MGMT: variants seen among roughly 807,000 people sequenced by gnomAD.
The protein encoded by MGMT is methylated-DNA--protein-cysteine methyltransferase.
In MGMT, 14 loss-of-function variants were observed where a neutral mutation model predicts 15.9. The ratio of observed to expected loss-of-function variants is 0.88; its 90% CI spans 0.58 to 1.37. The LOEUF (loss-of-function observed/expected upper bound fraction) is 1.37, where lower values mean the gene tolerates loss of function less well. Ranked by LOEUF, MGMT falls within the 40% of genes most tolerant of loss-of-function variation. MGMT has a pLI of 0.00. For synonymous variants in MGMT, 130 were observed against 118.2 expected, an observed-to-expected ratio of 1.10 and a Z score of -0.65; for missense variants, 282 against 268.1, an observed-to-expected ratio of 1.05 and a Z score of -0.36.
At chr10:129,543,186 C>T (rs777246623) in intron 2 of MGMT, among the ~76,000 whole-genome samples, 1 of 152,206 alleles carries the variant, frequency 6.6e-6, no homozygotes, top group South Asian at 2.1e-4. Flanking sequence ...TTAGCGTAGC[C>T]CGTGATGGTG....
intron 2 of MGMT, among the ~76,000 whole-genome samples, chr10:129,669,486 A>T (rs1847697445): frequency 6.6e-6 from 1 of 152,204 alleles, no homozygotes; most frequent in African/African-American, 2.4e-5. Flanking sequence ...ACAGACATAC[A>T]ATTTTATTTG....
chr10:129,701,539 G>A (rs1404960108), intron 2 of MGMT: 1 of 152,214 alleles, frequency 6.6e-6, no homozygotes, highest in Non-Finnish European at 1.5e-5. Flanking sequence ...TCTACTGCCA[G>A]TGGAATCTTA....
chr10:129,547,669 C>T (rs1278989506), intron 2 of MGMT, among the ~76,000 whole-genome samples: 1 of 152,188 alleles, frequency 6.6e-6, no homozygotes, highest in Non-Finnish European at 1.5e-5. Flanking sequence ...TGCCTTCTTC[C>T]AGAAAGCTAT....
rs10606297 is a variant in MGMT at position 129,645,118 on chromosome 10, C to CT, written c.126-62758dup. 5.2e-3 allele frequency among the ~76,000 whole-genome samples: 634 copies of CT among 121,910 alleles called. 9 individuals carry two copies. Among genetic ancestry groups the CT allele is most frequent in the South Asian group, 0.011 (43 of 3,744 alleles). 80.0% of individuals were successfully genotyped at this position (121,910 alleles called of 152,430 possible). ...ATGTACTAAATCAAGCCTGAAAGCC[C>CT]TTTTTTTTTTTTTTTTTTTGAGATG... On this transcript the variant is annotated intron_variant, in intron 2 of 4. Coordinates refer to ENST00000651593, the MANE Select transcript of MGMT (RefSeq NM_002412.5).
At chr10:129,616,607 T>C (rs1284161402) in intron 2 of MGMT, among the ~76,000 whole-genome samples, 2 of 152,182 alleles carry the variant, frequency 1.3e-5, no homozygotes, top group East Asian at 3.9e-4. Flanking sequence ...GGGCCCTCAC[T>C]GGCACCTTTG....
At chr10:129,668,860 T>A (rs527905229) in intron 2 of MGMT, among the ~76,000 whole-genome samples, 1 of 152,280 alleles carries the variant, frequency 6.6e-6, no homozygotes, top group South Asian at 2.1e-4. Flanking sequence ...TAGAGAAACA[T>A]CTCTACAATT....
chr10:129,546,128 A>T (rs917503939), intron 2 of MGMT, among the ~76,000 whole-genome samples: 3 of 152,234 alleles, frequency 2.0e-5, no homozygotes, highest in Non-Finnish European at 4.4e-5. Flanking sequence ...CTCATTCTCT[A>T]AACGTGTGAG....
intron 1 of MGMT, among the ~76,000 whole-genome samples, chr10:129,469,772 T>C (rs1348668971): frequency 1.3e-5 from 2 of 152,150 alleles, no homozygotes; most frequent in African/African-American, 2.4e-5. Flanking sequence ...AGTGGTGAGA[T>C]CATAGCTCCC....
intron 1 of MGMT, among the ~76,000 whole-genome samples, chr10:129,492,076 T>C (rs956445194): frequency 6.6e-6 from 1 of 152,208 alleles, no homozygotes; most frequent in Admixed American, 6.5e-5. Flanking sequence ...GTGTTTTTCA[T>C]CAAAGCAAAA....
chr10:129,578,482 A>G (rs973919265), intron 2 of MGMT, among the ~76,000 whole-genome samples: 11 of 150,116 alleles, frequency 7.3e-5, no homozygotes, highest in African/African-American at 2.4e-4. Flanking sequence ...GAATTGAACA[A>G]TGAGAACACA....
At chr10:129,636,722 T>C (rs1847268930) in intron 2 of MGMT, among the ~76,000 whole-genome samples, 1 of 152,216 alleles carries the variant, frequency 6.6e-6, no homozygotes, top group South Asian at 2.1e-4. Context: ...ATTATATTAT[T>C]CTTTCTTTAA....
chr10:129,629,006 C>G (rs541062510), intron 2 of MGMT, among the ~76,000 whole-genome samples: 1 of 152,328 alleles, frequency 6.6e-6, no homozygotes, highest in Non-Finnish European at 1.5e-5. Context: ...GTGGGAAGGG[C>G]TCTTCCTGAC....
chr10:129,544,474 G>A (rs1846078403), intron 2 of MGMT, among the ~76,000 whole-genome samples: 1 of 152,242 alleles, frequency 6.6e-6, no homozygotes, highest in African/African-American at 2.4e-5. Flanking sequence ...GTAGCCCCGT[G>A]CACAGTATCC....
chr10:129,645,487 G>A lies in MGMT; in HGVS notation c.126-62408G>A, dbSNP rs190573216. On this transcript the variant is annotated intron_variant, in intron 2 of 4. Coordinates refer to ENST00000651593, the MANE Select transcript of MGMT (RefSeq NM_002412.5). ...CTCATCCACGGTGAGGTTGTGTTTG[G>A]CCTCTCTTTGCAGGTTGATGGCTGG... Among the ~76,000 whole-genome samples the A allele has an allele frequency of 1.0e-3, 155 of 152,252 alleles. 2 individuals carry two copies. In the East Asian group the frequency reaches 0.024, roughly 24 times the overall value.
intron 2 of MGMT, among the ~76,000 whole-genome samples, chr10:129,609,766 CG>C (rs1462914437): frequency 6.6e-6 from 1 of 151,982 alleles, no homozygotes; most frequent in Non-Finnish European, 1.5e-5. Flanking sequence ...TGCAGGAGAG[CG>C]GAAGAGCAGG....
At chr10:129,749,514 C>T (rs544737460) in intron 3 of MGMT, among the ~76,000 whole-genome samples, 5 of 152,034 alleles carry the variant, frequency 3.3e-5, no homozygotes, top group Non-Finnish European at 7.4e-5. Flanking sequence ...GTTGTTTATC[C>T]GTTCACCTAT....
intron 2 of MGMT, among the ~76,000 whole-genome samples, chr10:129,604,320 A>G (rs1329807469): frequency 6.6e-6 from 1 of 152,204 alleles, no homozygotes; most frequent in Non-Finnish European, 1.5e-5. Context: ...CTTAATTCTG[A>G]AATAAGTCAT....
intron 1 of MGMT, among the ~76,000 whole-genome samples, chr10:129,508,821 A>G (rs1020334235): frequency 1.3e-5 from 2 of 152,158 alleles, no homozygotes; most frequent in African/African-American, 4.8e-5. Flanking sequence ...TGCTGGGATT[A>G]CAGGCATGAG....
intron 3 of MGMT, among the ~76,000 whole-genome samples, chr10:129,719,290 C>T (rs769166072): frequency 3.3e-5 from 5 of 152,268 alleles, no homozygotes; most frequent in African/African-American, 9.6e-5. Flanking sequence ...CTCAGATATA[C>T]TGTCACCATG....
Sources: allele counts gnomAD v4.1 joint callset (sites outside exome capture counted in the v4.1 genomes callset), GRCh38; gene constraint gnomAD v4.1.1; transcripts MANE v1.5; gene names NCBI Gene and HGNC (gene_info 2026-07-23, HGNC 2026-07-21).